The following FAM171A1 variants were observed in gnomAD, a reference collection of about 807,000 sequenced individuals.
FAM171A1 encodes the protein family with sequence similarity 171 member A1, also known as protein FAM171A1.
A neutral mutation model predicts 74.9 loss-of-function variants in FAM171A1; 23 were observed. The observed-to-expected ratio is 0.31, with a 90% confidence interval of 0.22 to 0.44. The LOEUF (loss-of-function observed/expected upper bound fraction) is 0.44, where lower values mean the gene tolerates loss of function less well. Ranked by LOEUF, FAM171A1 falls within the 20% of genes least tolerant of loss-of-function variation. The pLI is 1.00. For synonymous variants in FAM171A1, 527 were observed against 505.7 expected, an observed-to-expected ratio of 1.04 and a Z score of -0.57; for missense variants, 1,162 against 1,159.2, an observed-to-expected ratio of 1.00 and a Z score of -0.03.
chr10:15,272,575 T>G (rs1834840642), intron 3 of FAM171A1, among the ~76,000 whole-genome samples: 1 of 152,170 alleles, frequency 6.6e-6, no homozygotes, highest in Non-Finnish European at 1.5e-5. Context: ...CCACCCCAAA[T>G]CAACAGAATA....
At chr10:15,249,452 AG>A (rs2131759503) in intron 4 of FAM171A1, among the ~76,000 whole-genome samples, 1 of 152,318 alleles carries the variant, frequency 6.6e-6, no homozygotes, top group Admixed American at 6.5e-5. Context: ...ATCTCAAAAG[AG>A]AAGGATTTTT....
chr10:15,252,250 T>G (rs1268576157), intron 4 of FAM171A1, among the ~76,000 whole-genome samples: 1 of 152,134 alleles, frequency 6.6e-6, no homozygotes, highest in Non-Finnish European at 1.5e-5. Context: ...CTTCTCCACT[T>G]ACTTACAACT....
At chr10:15,358,571 C>T (rs752003287) in intron 1 of FAM171A1, among the ~76,000 whole-genome samples, 1 of 152,186 alleles carries the variant, frequency 6.6e-6, no homozygotes, top group Admixed American at 6.5e-5. Flanking sequence ...AAGATTCCCT[C>T]AATCCCAGCT....
intron 1 of FAM171A1, among the ~76,000 whole-genome samples, chr10:15,324,791 AAT>A (rs1835531051): frequency 6.6e-6 from 1 of 152,176 alleles, no homozygotes; most frequent in Non-Finnish European, 1.5e-5. Flanking sequence ...CTCCACCATC[AAT>A]ATCTTTGTTG....
At chr10:15,353,089 T>C (rs191898976) in intron 1 of FAM171A1, among the ~76,000 whole-genome samples, 4 of 152,332 alleles carry the variant, frequency 2.6e-5, no homozygotes, top group East Asian at 1.9e-4. Context: ...CTTACACCAG[T>C]TGCATGCATT....
At chr10:15,301,391 CAG>C in intron 1 of FAM171A1, among the ~76,000 whole-genome samples, 1 of 148,044 alleles carries the variant, frequency 6.8e-6, no homozygotes. Flanking sequence ...TTAGTAGAGA[CAG>C]AGTTTCACCA....
At chr10:15,331,816 G>GGTATATATATGTGT (rs1211529494) in intron 1 of FAM171A1, among the ~76,000 whole-genome samples, 2 of 92,116 alleles carry the variant, frequency 2.2e-5, no homozygotes, top group African/African-American at 7.1e-5. Context: ...TATATATGTG[G>GGTATATATATGTGT]GTATATATAT....
chr10:15,327,780 G>T (rs1320758091), intron 1 of FAM171A1, among the ~76,000 whole-genome samples: 1 of 152,026 alleles, frequency 6.6e-6, no homozygotes, highest in Non-Finnish European at 1.5e-5. Context: ...GAGGGTGCAG[G>T]TTGGCAGGAA....
chr10:15,266,470 T>C (rs1471179070), intron 3 of FAM171A1, among the ~76,000 whole-genome samples: 1 of 151,840 alleles, frequency 6.6e-6, no homozygotes, highest in Non-Finnish European at 1.5e-5. Context: ...GCCCTTCCTG[T>C]CCAGGAAGGG....
At chr10:15,356,333 A>T (rs1229209597) in intron 1 of FAM171A1, among the ~76,000 whole-genome samples, 1 of 151,992 alleles carries the variant, frequency 6.6e-6, no homozygotes, top group Non-Finnish European at 1.5e-5. Flanking sequence ...AGCAAGAGAA[A>T]ATTTCTCATA....
At chr10:15,287,666 G>A (rs993097323) in intron 1 of FAM171A1, among the ~76,000 whole-genome samples, 10 of 152,286 alleles carry the variant, frequency 6.6e-5, no homozygotes, top group Admixed American at 1.3e-4. Context: ...GATTACAGGC[G>A]TGAGCCACCG....
Position 15,371,010 on chromosome 10 carries a change from G to C in FAM171A1, c.43C>G (p.His15Asp). The change falls in exon 1 of 8, where the codon CAC (histidine) becomes GAC (aspartate). Residue 15 changes from histidine (H) to aspartate (D), a missense_variant. His to Asp is a moderately conservative substitution (Grantham distance 81, BLOSUM62 -1). Coordinates refer to ENST00000378116, the MANE Select transcript of FAM171A1 (RefSeq NM_001010924.2). ...ATLLLCLLGCHVWKAVTKTLR... is the reference protein window; with the variant it reads ...ATLLLCLLGCDVWKAVTKTLR... ...GTCTTGGTCACCGCCTTCCAGACGT[G>C]GCAGCCCAGCAGGCACAGCAGCAGC... 1.7e-6 allele frequency: 2 copies of C among 1,190,774 alleles called. No homozygotes were observed. Among genetic ancestry groups the C allele is most frequent in the Middle Eastern group, 3.7e-4 (1 of 2,704 alleles). 73.8% of individuals were successfully genotyped at this position (1,190,774 alleles called of 1,614,324 possible). A position where few individuals can be genotyped will look rare whatever the true frequency, so the allele number is the denominator to read the frequency against.
chr10:15,226,188 G>A (rs777583597), intron 5 of FAM171A1, among the ~76,000 whole-genome samples: 1 of 152,146 alleles, frequency 6.6e-6, no homozygotes, highest in Non-Finnish European at 1.5e-5. Context: ...TGCAGAAGCC[G>A]CACCACTGCA....
chr10:15,333,600 G>A (rs1021641657), intron 1 of FAM171A1, among the ~76,000 whole-genome samples: 9 of 152,130 alleles, frequency 5.9e-5, no homozygotes, highest in Admixed American at 6.5e-5. Flanking sequence ...AGGCTGAGTC[G>A]GGAGGTTGCT....
Position 15,214,409 on chromosome 10 carries a change from C to T in FAM171A1, c.1179G>A (p.Leu393=), listed in dbSNP as rs1292299552. 3.1e-6 allele frequency: 5 copies of T among 1,614,086 alleles called. 1 individual carries two copies. The South Asian group carries it at 5.5e-5, about 18-fold the overall frequency. Residue 393 remains leucine (L), a synonymous_variant, in exon 8 of 8, where the codon CTG becomes CTA. Coordinates refer to ENST00000378116, the MANE Select transcript of FAM171A1 (RefSeq NM_001010924.2). ...TCATTTCCAAATGGACTCCACTCAT[C>T]AGTTCCTTCGTGCCGGGGGCCTCGG... The part of the protein sequence containing the change: ...GRPEAPGTKE[L]MSGVHLEMMS...
intron 1 of FAM171A1, among the ~76,000 whole-genome samples, chr10:15,320,435 C>T (rs1270128870): frequency 2.0e-5 from 3 of 152,152 alleles, no homozygotes; most frequent in African/African-American, 7.2e-5. Flanking sequence ...TAAACATATG[C>T]GTACATGTCT....
At chr10:15,323,735 A>T (rs531087612) in intron 1 of FAM171A1, among the ~76,000 whole-genome samples, 91 of 152,286 alleles carry the variant, frequency 6.0e-4, no homozygotes, top group Non-Finnish European at 1.2e-3. Flanking sequence ...GTGGTATTTT[A>T]TACCCTCTAT....
chr10:15,283,499 G>A (rs533636355), intron 2 of FAM171A1, among the ~76,000 whole-genome samples: 1 of 152,182 alleles, frequency 6.6e-6, no homozygotes. Flanking sequence ...TCTGGTGGAG[G>A]GGGAGAGGCG....
chr10:15,327,245 C>T (rs1835566914), intron 1 of FAM171A1, among the ~76,000 whole-genome samples: 1 of 152,168 alleles, frequency 6.6e-6, no homozygotes, highest in Non-Finnish European at 1.5e-5. Flanking sequence ...ACCCCCTAGG[C>T]CACTCACCTC....
Sources: allele counts gnomAD v4.1 joint callset (sites outside exome capture counted in the v4.1 genomes callset), GRCh38; gene constraint gnomAD v4.1.1; transcripts MANE v1.5; gene names NCBI Gene and HGNC (gene_info 2026-07-23, HGNC 2026-07-21).